The following SYT1 variants were observed in gnomAD, a reference collection of about 807,000 sequenced individuals.
SYT1 encodes the protein synaptotagmin-1.
SYT1 carries 8 observed loss-of-function variants against 44.8 expected under a neutral mutation model. That is an observed-to-expected ratio of 0.18 (90% CI 0.10 to 0.32). The LOEUF is 0.32. Ranked by LOEUF, SYT1 falls within the 10% of genes least tolerant of loss-of-function variation. The pLI is 1.00. For synonymous variants in SYT1, 154 were observed against 188.8 expected, an observed-to-expected ratio of 0.82 and a Z score of 1.51; for missense variants, 286 against 509.3, an observed-to-expected ratio of 0.56 and a Z score of 4.22.
chr12:78,950,717 T>C (rs1454236901), intron 1 of SYT1, among the ~76,000 whole-genome samples: 1 of 152,132 alleles, frequency 6.6e-6, no homozygotes, highest in Non-Finnish European at 1.5e-5. Context: ...GTATATTTAT[T>C]TGATTAGATC....
At chr12:78,978,432 C>A (rs1300192379) in intron 2 of SYT1, among the ~76,000 whole-genome samples, 2 of 152,160 alleles carry the variant, frequency 1.3e-5, no homozygotes, top group Non-Finnish European at 2.9e-5. Context: ...GTGTCTCATT[C>A]TTTCATATAT....
chr12:79,334,520 A>G (rs890034306), intron 8 of SYT1, among the ~76,000 whole-genome samples: 5 of 152,166 alleles, frequency 3.3e-5, no homozygotes, highest in African/African-American at 1.2e-4. Flanking sequence ...GACCAGTAGG[A>G]AAACAAGGGA....
intron 4 of SYT1, among the ~76,000 whole-genome samples, chr12:79,246,460 A>C (rs1188162839): frequency 6.6e-6 from 1 of 152,100 alleles, no homozygotes; most frequent in African/African-American, 2.4e-5. Context: ...GTGCGACTGG[A>C]TAATTTTTAA....
chr12:79,348,975 AAG>A (rs1882732572), intron 8 of SYT1, among the ~76,000 whole-genome samples: 1 of 143,322 alleles, frequency 7.0e-6, no homozygotes, highest in South Asian at 2.2e-4. Flanking sequence ...AAGAAAAAGA[AAG>A]AGGAAGAAAG....
At chr12:79,064,991 A>AGAAG (rs1875724153) in intron 3 of SYT1, among the ~76,000 whole-genome samples, 1 of 146,532 alleles carries the variant, frequency 6.8e-6, no homozygotes, top group Non-Finnish European at 1.5e-5. Flanking sequence ...AAAGAAAGAA[A>AGAAG]GAAAGAAAAG....
intron 2 of SYT1, among the ~76,000 whole-genome samples, chr12:79,038,100 CTAAT>C (rs984756441): frequency 9.3e-5 from 14 of 151,274 alleles, no homozygotes; most frequent in African/African-American, 3.4e-4. Flanking sequence ...CCTTGACTCA[CTAAT>C]TATTTACCTT....
At chr12:79,334,024 T>C (rs1438910309) in intron 8 of SYT1, among the ~76,000 whole-genome samples, 1 of 152,196 alleles carries the variant, frequency 6.6e-6, no homozygotes, top group Non-Finnish European at 1.5e-5. Flanking sequence ...TCCTACTTTA[T>C]ATTTTTACCT....
chr12:79,213,090 T>C (rs183718036), intron 3 of SYT1, among the ~76,000 whole-genome samples: 3 of 152,290 alleles, frequency 2.0e-5, no homozygotes, highest in Admixed American at 2.0e-4. Flanking sequence ...AAATCATGAG[T>C]GGATTGTGAA....
At chr12:79,132,102 T>C (rs570493121) in intron 3 of SYT1, among the ~76,000 whole-genome samples, 3 of 152,062 alleles carry the variant, frequency 2.0e-5, no homozygotes, top group African/African-American at 7.2e-5. Context: ...ACAGAAAAAA[T>C]AAAGGAATAA....
chr12:79,363,703 C>T (rs1883418845), intron 9 of SYT1, among the ~76,000 whole-genome samples: 1 of 151,640 alleles, frequency 6.6e-6, no homozygotes, highest in Admixed American at 6.6e-5. Context: ...CCACTGCACT[C>T]CAGCCTGAGT....
In SYT1 at chr12:79,296,144, G is replaced by C; in HGVS notation, c.550G>C (p.Val184Leu). The change falls in exon 7 of 11, where the codon GTG (valine) becomes CTG (leucine). Residue 184 changes from valine (V) to leucine (L), a missense_variant. Physicochemically the swap from Val to Leu is conservative, Grantham distance 32. Transcript: ENST00000261205. Reference sequence around the variant, plus strand: ...GGGCACATCTGATCCTTACGTGAAAGTGTTTCTGCTACCTGATAAGAAGAA... The same window carrying C: ...GGGCACATCTGATCCTTACGTGAAACTGTTTCTGCTACCTGATAAGAAGAA... ...MGGTSDPYVK[V>L]FLLPDKKKKF... 2.5e-6 allele frequency: 4 copies of C among 1,614,094 alleles called. No homozygotes were observed. In the South Asian group the frequency reaches 4.4e-5, roughly 18 times the overall value.
At chr12:79,134,520 G>A (rs1169946956) in intron 3 of SYT1, among the ~76,000 whole-genome samples, 1 of 152,114 alleles carries the variant, frequency 6.6e-6, no homozygotes, top group Non-Finnish European at 1.5e-5. Context: ...CATAAAAGTA[G>A]GAAATTGAAC....
intron 4 of SYT1, 152 bp from the exon 5 acceptor site, chr12:79,285,635 C>T: frequency 3.6e-6 from 2 of 562,646 alleles, no homozygotes; most frequent in Non-Finnish European, 6.1e-6. Flanking sequence ...GAGACAACAA[C>T]ATGGATAAAG....
intron 1 of SYT1, among the ~76,000 whole-genome samples, chr12:78,969,257 G>T (rs186957676): frequency 1.3e-5 from 2 of 152,290 alleles, no homozygotes; most frequent in East Asian, 1.9e-4. Context: ...AATAGCCAAA[G>T]ATTTTAGTAT....
At chr12:79,283,515 T>A (rs895077612) in intron 4 of SYT1, among the ~76,000 whole-genome samples, 1 of 152,172 alleles carries the variant, frequency 6.6e-6, no homozygotes, top group Admixed American at 6.5e-5. Context: ...GACTTTTATG[T>A]AGCTCTCTGA....
chr12:79,428,375 A>G (rs912415698), intron 9 of SYT1, among the ~76,000 whole-genome samples: 8 of 152,146 alleles, frequency 5.3e-5, no homozygotes, highest in Non-Finnish European at 8.8e-5. Flanking sequence ...TCTGTATTCT[A>G]GATGATGCTC....
intron 3 of SYT1, among the ~76,000 whole-genome samples, chr12:79,095,899 T>G (rs1002527333): frequency 4.6e-5 from 7 of 151,918 alleles, no homozygotes; most frequent in African/African-American, 1.7e-4. Context: ...ACAAATTTAT[T>G]ATATGCACAT....
At chr12:79,154,210 C>G (rs961321975) in intron 3 of SYT1, among the ~76,000 whole-genome samples, 1 of 152,014 alleles carries the variant, frequency 6.6e-6, no homozygotes, top group Non-Finnish European at 1.5e-5. Context: ...CTGAAGAGCT[C>G]TTCAGAAGCT....
intron 3 of SYT1, among the ~76,000 whole-genome samples, chr12:79,137,311 G>T (rs965572182): frequency 6.6e-5 from 10 of 152,026 alleles, no homozygotes; most frequent in Non-Finnish European, 1.2e-4. Context: ...GGTCAAGCTG[G>T]TCTCGAACTC....
Sources: gnomAD v4.1 joint callset for allele counts (sites outside exome capture counted in the v4.1 genomes callset) on GRCh38, gnomAD v4.1.1 for gene constraint, MANE v1.5 for transcripts, NCBI Gene and HGNC (gene_info 2026-07-23, HGNC 2026-07-21) for gene names.